SCFD2: variants seen among roughly 807,000 people sequenced by gnomAD.
The protein encoded by SCFD2 is sec1 family domain-containing protein 2.
Under a neutral mutation model 58.9 loss-of-function variants are expected in SCFD2, and 54 were observed. The observed-to-expected ratio is 0.92, with a 90% CI of 0.74 to 1.15. The LOEUF is 1.15. SCFD2 is among the 50% of genes most tolerant of loss of function. SCFD2 has a pLI of 0.00. For missense variants in SCFD2, 805 were observed against 836.6 expected (o/e 0.96, Z 0.47); for synonymous variants, 321 against 335.9 (o/e 0.96, Z 0.49).
intron 5 of SCFD2, among the ~76,000 whole-genome samples, chr4:52,975,826 T>C (rs1721243485): frequency 6.6e-6 from 1 of 152,026 alleles, no homozygotes; most frequent in African/African-American, 2.4e-5. Flanking sequence ...ATATACACCA[T>C]GGAATATTAC....
intron 5 of SCFD2, among the ~76,000 whole-genome samples, chr4:52,974,702 G>T (rs902829888): frequency 1.3e-5 from 2 of 151,656 alleles, no homozygotes; most frequent in Non-Finnish European, 2.9e-5. Flanking sequence ...AAAAGAGCCT[G>T]CATTGCCAAG....
chr4:53,238,209 G>A, intron 4 of SCFD2, among the ~76,000 whole-genome samples: 1 of 142,320 alleles, frequency 7.0e-6, no homozygotes, highest in East Asian at 2.3e-4. Flanking sequence ...CCCGGACGGG[G>A]CGGCTGGCCG....
At chr4:53,107,860 T>A (rs1328887171) in intron 5 of SCFD2, among the ~76,000 whole-genome samples, 1 of 152,216 alleles carries the variant, frequency 6.6e-6, no homozygotes. Flanking sequence ...TGAACTCAGT[T>A]CTGGATCAAG....
intron 5 of SCFD2, among the ~76,000 whole-genome samples, chr4:53,060,256 A>T (rs1294044241): frequency 6.6e-6 from 1 of 152,156 alleles, no homozygotes; most frequent in African/African-American, 2.4e-5. Flanking sequence ...CTATGAAAAA[A>T]GTACTGTTCT....
intron 5 of SCFD2, among the ~76,000 whole-genome samples, chr4:52,973,883 T>A (rs1721178732): frequency 6.6e-6 from 1 of 152,332 alleles, no homozygotes; most frequent in South Asian, 2.1e-4. Context: ...TCAATAAATG[T>A]AATCCAGCAT....
intron 5 of SCFD2, among the ~76,000 whole-genome samples, chr4:53,049,707 C>T (rs187797090): frequency 1.3e-5 from 2 of 152,246 alleles, no homozygotes; most frequent in East Asian, 3.9e-4. Flanking sequence ...TGAATCTTGC[C>T]TGGTTCAGCC....
At chr4:53,201,181 C>CA in intron 4 of SCFD2, among the ~76,000 whole-genome samples, 1 of 151,644 alleles carries the variant, frequency 6.6e-6, no homozygotes. Flanking sequence ...CTCCTCCCCC[C>CA]ACCCCACAAC....
At chr4:52,967,751 G>A (rs553157000) in intron 5 of SCFD2, among the ~76,000 whole-genome samples, 1 of 152,234 alleles carries the variant, frequency 6.6e-6, no homozygotes, top group Admixed American at 6.5e-5. Context: ...GGGTCTGGTG[G>A]TACCAGTGTT....
intron 7 of SCFD2, among the ~76,000 whole-genome samples, chr4:52,888,132 G>T (rs35496127): frequency 2.1e-3 from 319 of 151,940 alleles, no homozygotes; most frequent in Non-Finnish European, 2.3e-3. Context: ...GGATGGTCTC[G>T]ATCTCCTGAC....
chr4:52,898,199 T>G (rs559559853), intron 7 of SCFD2, among the ~76,000 whole-genome samples: 64 of 152,352 alleles, frequency 4.2e-4, no homozygotes, highest in African/African-American at 1.3e-3. Flanking sequence ...TGCTAGCTTT[T>G]GAATGTGTTT....
chr4:53,240,347 C>T (rs1195506137), intron 4 of SCFD2, among the ~76,000 whole-genome samples: 2 of 152,234 alleles, frequency 1.3e-5, no homozygotes, highest in South Asian at 2.1e-4. Context: ...TCAGGATGTA[C>T]CCAAATTTCA....
intron 2 of SCFD2, among the ~76,000 whole-genome samples, chr4:53,334,495 G>T (rs566091252): frequency 2.0e-5 from 3 of 148,334 alleles, no homozygotes; most frequent in Non-Finnish European, 4.5e-5. Flanking sequence ...GTAAACTATC[G>T]CAAGAACAAA....
chr4:53,237,681 C>T (rs1729688492), intron 4 of SCFD2, among the ~76,000 whole-genome samples: 1 of 137,548 alleles, frequency 7.3e-6, no homozygotes, highest in Non-Finnish European at 1.6e-5. Flanking sequence ...GGGCGGCTGG[C>T]CGGGCAGAGG....
chr4:53,213,225 C>T (rs1206387376), intron 4 of SCFD2, among the ~76,000 whole-genome samples: 1 of 151,890 alleles, frequency 6.6e-6, no homozygotes, highest in Admixed American at 6.6e-5. Flanking sequence ...CCAGTATAAG[C>T]AAAAAGAGAT....
At chr4:53,251,492 C>T (rs1308692749) in intron 4 of SCFD2, among the ~76,000 whole-genome samples, 5 of 152,180 alleles carry the variant, frequency 3.3e-5, no homozygotes, top group African/African-American at 9.7e-5. Context: ...CAATAAAATA[C>T]TGGCAAACCA....
chr4:53,177,639 T>C (rs1336560674), intron 4 of SCFD2, among the ~76,000 whole-genome samples: 1 of 152,098 alleles, frequency 6.6e-6, no homozygotes, highest in East Asian at 1.9e-4. Context: ...CGGGTTCATC[T>C]CAGTGGGGAG....
At chr4:53,082,103 G>T (rs1724166049) in intron 5 of SCFD2, among the ~76,000 whole-genome samples, 1 of 152,110 alleles carries the variant, frequency 6.6e-6, no homozygotes, top group South Asian at 2.1e-4. Context: ...ATCAGTTGCT[G>T]AACATCTGGG....
At chr4:53,234,211 G>A (rs927617188) in intron 4 of SCFD2, among the ~76,000 whole-genome samples, 1 of 152,170 alleles carries the variant, frequency 6.6e-6, no homozygotes, top group African/African-American at 2.4e-5. Context: ...CAATGTTACT[G>A]TCTAGCAGAC....
chr4:53,204,917 C>A (rs1728362181), intron 4 of SCFD2, among the ~76,000 whole-genome samples: 1 of 151,600 alleles, frequency 6.6e-6, no homozygotes, highest in Admixed American at 6.6e-5. Context: ...TCAAAATTCC[C>A]AAAGAAAATT....
Sources: gnomAD v4.1 joint callset for allele counts (sites outside exome capture counted in the v4.1 genomes callset) on GRCh38, gnomAD v4.1.1 for gene constraint, MANE v1.5 for transcripts, NCBI Gene and HGNC (gene_info 2026-07-23, HGNC 2026-07-21) for gene names.